Variants in ZNF827 observed in about 807,000 individuals in gnomAD.
The protein encoded by ZNF827 is zinc finger protein 827.
A neutral mutation model predicts 102.4 loss-of-function variants in ZNF827; 13 were observed. The observed-to-expected ratio is 0.13, with a 90% confidence interval of 0.08 to 0.20. The LOEUF (loss-of-function observed/expected upper bound fraction) is 0.20. Ranked by LOEUF, ZNF827 falls within the 10% of genes least tolerant of loss-of-function variation. ZNF827 has a pLI of 1.00. For synonymous variants in ZNF827, 523 were observed against 536.2 expected (o/e 0.98, Z 0.34); for missense variants, 1,103 against 1,344.4 (o/e 0.82, Z 2.81).
intron 8 of ZNF827, among the ~76,000 whole-genome samples, chr4:145,795,432 G>GAACA (rs1226562016): frequency 6.6e-5 from 10 of 152,226 alleles, no homozygotes; most frequent in African/African-American, 2.4e-4. Context: ...ATAGGCATGA[G>GAACA]CCACTGTGCC....
In ZNF827 at chr4:145,811,813, G is replaced by A. The variant is rs866903528; in HGVS notation, c.2383+11609C>T. 9.9e-5 allele frequency among the ~76,000 whole-genome samples: 15 copies of A among 152,206 alleles called. 1 individual carries two copies. In the South Asian group the frequency reaches 2.5e-3, roughly 25 times the overall value. On this transcript the variant is annotated intron_variant, in intron 8 of 14. Coordinates refer to ENST00000508784, the MANE Select transcript of ZNF827 (RefSeq NM_001306215.2). ...GGATCAAAATATAAAACTGGCCATC[G>A]CTAAAATAATTTATACTTGAAAAGA...
At chr4:145,884,959 G>C (rs1008511759) in intron 4 of ZNF827, among the ~76,000 whole-genome samples, 2 of 152,056 alleles carry the variant, frequency 1.3e-5, no homozygotes, top group Non-Finnish European at 2.9e-5. Flanking sequence ...TGGGGGAAGA[G>C]GTGAACCGAG....
chr4:145,860,338 C>T (rs1374654616), intron 5 of ZNF827, among the ~76,000 whole-genome samples: 3 of 152,084 alleles, frequency 2.0e-5, no homozygotes, highest in African/African-American at 7.2e-5. Context: ...TAAGGCTGTC[C>T]CCATAAACGC....
intron 8 of ZNF827, among the ~76,000 whole-genome samples, chr4:145,805,715 A>G (rs1156606523): frequency 1.3e-5 from 2 of 152,182 alleles, no homozygotes; most frequent in Non-Finnish European, 2.9e-5. Flanking sequence ...GCCCAAGTCC[A>G]TGCTATTTCA....
intron 8 of ZNF827, among the ~76,000 whole-genome samples, chr4:145,818,133 G>A (rs1039640231): frequency 2.0e-5 from 3 of 152,158 alleles, no homozygotes; most frequent in Admixed American, 6.5e-5. Flanking sequence ...AAAAGAAGAC[G>A]GTGCATCAGT....
At chr4:145,812,368 C>T (rs2126405152) in intron 8 of ZNF827, among the ~76,000 whole-genome samples, 1 of 152,262 alleles carries the variant, frequency 6.6e-6, no homozygotes, top group Admixed American at 6.5e-5. Flanking sequence ...CTTCTTGTGC[C>T]TCCATCTCCC....
At chr4:145,889,983 T>TAA (rs879921604) in intron 3 of ZNF827, among the ~76,000 whole-genome samples, 6 of 130,158 alleles carry the variant, frequency 4.6e-5, no homozygotes, top group East Asian at 2.2e-4. Flanking sequence ...TCTCAAAAAT[T>TAA]AAAAAAAAAA....
intron 7 of ZNF827, among the ~76,000 whole-genome samples, chr4:145,836,670 C>T (rs1217317459): frequency 6.6e-6 from 1 of 151,814 alleles, no homozygotes; most frequent in African/African-American, 2.4e-5. Flanking sequence ...ACCTGACATT[C>T]ACCCCATTTC....
chr4:145,771,564 T>G (rs1387416438), intron 11 of ZNF827, among the ~76,000 whole-genome samples: 1 of 152,196 alleles, frequency 6.6e-6, no homozygotes, highest in Non-Finnish European at 1.5e-5. Flanking sequence ...TATTTTCCCC[T>G]TGTTGATATT....
intron 5 of ZNF827, among the ~76,000 whole-genome samples, chr4:145,860,059 TG>T (rs1561009307): frequency 6.6e-6 from 1 of 152,180 alleles, no homozygotes; most frequent in African/African-American, 2.4e-5. Flanking sequence ...CACAGCTCTT[TG>T]GAAAAAAAGT....
intron 8 of ZNF827, among the ~76,000 whole-genome samples, chr4:145,805,124 T>TG (rs1741280973): frequency 2.2e-5 from 2 of 89,570 alleles, no homozygotes; most frequent in Non-Finnish European, 5.0e-5. Flanking sequence ...AGCAATTCCT[T>TG]TTGTGTGTGT....
intron 7 of ZNF827, among the ~76,000 whole-genome samples, chr4:145,823,894 C>T (rs968862301): frequency 1.3e-5 from 2 of 152,158 alleles, no homozygotes; most frequent in South Asian, 2.1e-4. Flanking sequence ...GTGGTTTTCC[C>T]GGTAGAGATG....
At chr4:145,874,859 A>C (rs1445293941) in intron 4 of ZNF827, among the ~76,000 whole-genome samples, 1 of 152,196 alleles carries the variant, frequency 6.6e-6, no homozygotes, top group Non-Finnish European at 1.5e-5. Flanking sequence ...TGTTCCCAGC[A>C]TCGTAGGACC....
intron 4 of ZNF827, among the ~76,000 whole-genome samples, chr4:145,872,076 T>C (rs1420690780): frequency 1.4e-4 from 21 of 152,182 alleles, no homozygotes; most frequent in Admixed American, 1.3e-3. Flanking sequence ...AATCACCACC[T>C]TCACAGTCCT....
At chr4:145,931,756 G>T (rs1753824443) in intron 1 of ZNF827, among the ~76,000 whole-genome samples, 1 of 152,212 alleles carries the variant, frequency 6.6e-6, no homozygotes, top group African/African-American at 2.4e-5. Flanking sequence ...AACTTCAAAA[G>T]GGGACAAAGG....
chr4:145,909,907 G>A (rs1752151258), intron 1 of ZNF827, among the ~76,000 whole-genome samples: 2 of 152,142 alleles, frequency 1.3e-5, no homozygotes, highest in African/African-American at 4.8e-5. Context: ...ATGCACGGCC[G>A]GCAATGGGCT....
At chr4:145,895,250 C>G (rs1750885799) in intron 2 of ZNF827, among the ~76,000 whole-genome samples, 2 of 152,230 alleles carry the variant, frequency 1.3e-5, no homozygotes, top group Non-Finnish European at 2.9e-5. Context: ...CCCCTCGCAT[C>G]TTGCCTTGCC....
chr4:145,884,523 G>T (rs1749942199), intron 4 of ZNF827, among the ~76,000 whole-genome samples: 3 of 152,052 alleles, frequency 2.0e-5, no homozygotes, highest in African/African-American at 7.2e-5. Context: ...CTGAAATACA[G>T]AACCAATTCT....
At position 145,765,535 on chromosome 4, in the gene ZNF827, C is replaced by A; in HGVS notation, c.3052+12G>T. On this transcript the variant is annotated intron_variant, in intron 12 of 14. Transcript: ENST00000508784. The surrounding 1 kb of genome is among the most constrained non-coding windows in gnomAD (Gnocchi z 4.7). ...GGAGGGTTGAGCAGGCTCACACCCACCTCCTCCTTACCTTTCTCTGGCTTT... is the reference window on the plus strand; with the variant it reads ...GGAGGGTTGAGCAGGCTCACACCCAACTCCTCCTTACCTTTCTCTGGCTTT... The A allele has an allele frequency of 1.2e-6, 2 of 1,605,436 alleles. No individual in the cohort carries two copies. The highest frequency in any genetic ancestry group is 1.7e-6 in the Non-Finnish European group (2 of 1,175,584).
Sources: allele counts gnomAD v4.1 joint callset (sites outside exome capture counted in the v4.1 genomes callset), GRCh38; gene constraint gnomAD v4.1.1; non-coding constraint Gnocchi (gnomAD v3.1); transcripts MANE v1.5; gene names NCBI Gene and HGNC (gene_info 2026-07-23, HGNC 2026-07-21).